Variants in USP12 observed in about 807,000 individuals in gnomAD.
The protein encoded by USP12 is ubiquitin specific peptidase 12.
USP12 carries 19 observed loss-of-function variants against 45.5 expected under a neutral mutation model. The ratio of observed to expected loss-of-function variants is 0.42; its 90% CI spans 0.29 to 0.61. USP12 has a LOEUF of 0.61. Ranked by LOEUF, USP12 falls within the 20% of genes least tolerant of loss-of-function variation. The probability of loss-of-function intolerance (pLI) is 0.22; values close to 1 mark genes in which losing one functional copy is unlikely to be tolerated. For synonymous variants in USP12, 149 were observed against 148.8 expected, an observed-to-expected ratio of 1.00 and a Z score of -0.01; for missense variants, 242 against 447.7, an observed-to-expected ratio of 0.54 and a Z score of 4.15.
chr13:27,137,180 AT>A (rs1217132290), intron 1 of USP12, among the ~76,000 whole-genome samples: 1 of 152,232 alleles, frequency 6.6e-6, no homozygotes, highest in Non-Finnish European at 1.5e-5. Context: ...CAATTCCTTC[AT>A]TTTGAACAAA....
chr13:27,070,285 C>G (rs1354025694), intron 8 of USP12, among the ~76,000 whole-genome samples: 1 of 152,056 alleles, frequency 6.6e-6, no homozygotes, highest in Non-Finnish European at 1.5e-5. Context: ...ATAGCAGGCT[C>G]CAGGAGGGTA....
rs1242328302 is a variant in USP12, at chr13:27,105,592, AG to A, written c.343+138del. ...CTTCACTAAACGAGTGCCTCTTTGA[AG>A]AAAGGCGTGTCATCCTTGTTTCTTC... is the stretch of plus-strand genomic sequence containing the variant. On this transcript the variant is annotated intron_variant, in intron 3 of 8. Coordinates refer to ENST00000282344, the MANE Select transcript of USP12 (RefSeq NM_182488.4). 5.2e-6 allele frequency: 4 copies of A among 767,012 alleles called. No homozygotes were observed. In the Admixed American group the frequency reaches 8.8e-5, roughly 17 times the overall value. 47.5% of individuals were successfully genotyped at this position (767,012 alleles called of 1,614,324 possible).
chr13:27,082,799 G>A (rs184152538), intron 6 of USP12, among the ~76,000 whole-genome samples: 1 of 152,156 alleles, frequency 6.6e-6, no homozygotes, highest in Non-Finnish European at 1.5e-5. Context: ...AAAACGTCAG[G>A]TGGGTGGAGC....
chr13:27,144,606 T>C (rs1877225515), intron 1 of USP12, among the ~76,000 whole-genome samples: 1 of 151,008 alleles, frequency 6.6e-6, no homozygotes, highest in Non-Finnish European at 1.5e-5. Flanking sequence ...GCAAAGTAGA[T>C]AAATTAAAAT....
chr13:27,090,199 A>C (rs371997788), intron 4 of USP12, 41 bp from the exon 5 acceptor site: 1 of 1,470,886 alleles, frequency 6.8e-7, no homozygotes, highest in Non-Finnish European at 9.4e-7. Context: ...TTCAAATACT[A>C]GTAAACCACA....
chr13:27,155,066 C>CTTTTTTTTTTT (rs71083634), intron 1 of USP12, among the ~76,000 whole-genome samples: 7 of 57,656 alleles, frequency 1.2e-4, no homozygotes, highest in African/African-American at 3.3e-4. Flanking sequence ...ATGTCCACAA[C>CTTTTTTTTTTT]TTTTTTTTTT....
At chr13:27,085,426 C>T (rs183789388) in intron 6 of USP12, among the ~76,000 whole-genome samples, 40 of 152,108 alleles carry the variant, frequency 2.6e-4, no homozygotes, top group Non-Finnish European at 5.4e-4. Flanking sequence ...GGTGATCTGC[C>T]CACCTTGGCC....
At chr13:27,106,474 C>T (rs1875143317) in intron 2 of USP12, among the ~76,000 whole-genome samples, 1 of 152,116 alleles carries the variant, frequency 6.6e-6, no homozygotes, top group Non-Finnish European at 1.5e-5. Context: ...ATATGTATTG[C>T]CTTCCTTTTC....
At chr13:27,070,936 T>TA in intron 8 of USP12, 135 bp downstream of exon 8, 1 of 702,916 alleles carries the variant, frequency 1.4e-6, no homozygotes, top group East Asian at 2.9e-5. Flanking sequence ...AAGTAGGAAT[T>TA]AGACTACAAT....
At chr13:27,077,257 A>T (rs1873532129) in intron 6 of USP12, 1 of 152,236 alleles carries the variant, frequency 6.6e-6, no homozygotes, top group Non-Finnish European at 1.5e-5. Flanking sequence ...TACTGAAAAG[A>T]AATCTTTACA....
At chr13:27,079,673 T>C (rs1249920670) in intron 6 of USP12, among the ~76,000 whole-genome samples, 1 of 152,176 alleles carries the variant, frequency 6.6e-6, no homozygotes, top group Non-Finnish European at 1.5e-5. Context: ...TAAAGTAAAT[T>C]TCCTATTTTT....
At chr13:27,087,270 TGTGTGTGTGTGTGC>T (rs1311463040) in intron 6 of USP12, among the ~76,000 whole-genome samples, 8 of 55,236 alleles carry the variant, frequency 1.4e-4, no homozygotes, top group East Asian at 8.6e-4. Flanking sequence ...TGTGTGTGTG[TGTGTGTGTGTGTGC>T]GCGCACGCTC....
intron 1 of USP12, among the ~76,000 whole-genome samples, chr13:27,149,356 A>ATACTCC (rs1877463867): frequency 6.6e-6 from 1 of 152,228 alleles, no homozygotes; most frequent in Non-Finnish European, 1.5e-5. Context: ...CCTCTTGTTA[A>ATACTCC]CTTCTACTCA....
At chr13:27,170,028 G>T in intron 1 of USP12, 1 of 297,272 alleles carries the variant, frequency 3.4e-6, no homozygotes, top group Non-Finnish European at 6.1e-6. Context: ...CCTAATTATC[G>T]CATTCCTTTT....
At position 27,066,867 on chromosome 13, in the gene USP12, T is replaced by C. The variant is rs1873019613; in HGVS notation, c.*2416A>G. ...TTCATGGGTCACTTTTCTTACTTAC[T>C]ATACCTGTATTTTTCCCCCAACCCT... On this transcript the variant is annotated 3_prime_UTR_variant, in exon 9 of 9. Coordinates refer to ENST00000282344, the MANE Select transcript of USP12 (RefSeq NM_182488.4). The C allele has an allele frequency of 6.6e-6, 1 of 152,206 alleles. No homozygotes were observed. Among genetic ancestry groups the C allele is most frequent in the Non-Finnish European group, 1.5e-5 (1 of 68,026 alleles). 9.4% of individuals were successfully genotyped at this position (152,206 alleles called of 1,614,324 possible).
chr13:27,148,376 C>CTA (rs72246154), intron 1 of USP12, among the ~76,000 whole-genome samples: 27 of 150,632 alleles, frequency 1.8e-4, no homozygotes, highest in Admixed American at 4.6e-4. Flanking sequence ...CTGTATAAAA[C>CTA]TATATATATA....
chr13:27,096,761 T>C (rs1456252454), intron 3 of USP12, among the ~76,000 whole-genome samples: 2 of 152,122 alleles, frequency 1.3e-5, no homozygotes, highest in African/African-American at 2.4e-5. Flanking sequence ...CATACATGAA[T>C]TGGTCAATAA....
intron 1 of USP12, among the ~76,000 whole-genome samples, chr13:27,170,845 ACTGCCAC>A (rs1386652812): frequency 6.6e-6 from 1 of 152,360 alleles, no homozygotes; most frequent in East Asian, 1.9e-4. Flanking sequence ...CAGAGACAAG[ACTGCCAC>A]CTGGACACAC....
At chr13:27,142,980 C>G (rs1251163052) in intron 1 of USP12, among the ~76,000 whole-genome samples, 2 of 151,972 alleles carry the variant, frequency 1.3e-5, no homozygotes, top group African/African-American at 4.8e-5. Context: ...GTAGTCCCAG[C>G]TACTTGGGAG....
Sources: gnomAD v4.1 joint callset for allele counts (sites outside exome capture counted in the v4.1 genomes callset) on GRCh38, gnomAD v4.1.1 for gene constraint, MANE v1.5 for transcripts, NCBI Gene and HGNC (gene_info 2026-07-23, HGNC 2026-07-21) for gene names.